The following EIF3D variants were observed in gnomAD, a reference collection of about 807,000 sequenced individuals.
EIF3D encodes eIF3 p66.
A neutral mutation model predicts 75.4 loss-of-function variants in EIF3D; 10 were observed. The ratio of observed to expected loss-of-function variants is 0.13; its 90% CI spans 0.08 to 0.22. The LOEUF is 0.22. EIF3D is among the 10% of genes least tolerant of loss of function. The pLI is 1.00. For synonymous variants in EIF3D, 246 were observed against 248.3 expected (o/e 0.99, Z 0.09); for missense variants, 394 against 708.0 (o/e 0.56, Z 5.03).
chr22:36,526,613 C>CTTTCTT (rs1555889295), intron 1 of EIF3D, among the ~76,000 whole-genome samples: 1 of 145,734 alleles, frequency 6.9e-6, no homozygotes, highest in Non-Finnish European at 1.5e-5. Flanking sequence ...TTCTTTCTTT[C>CTTTCTT]TTTTTTTTTT....
intron 7 of EIF3D, among the ~76,000 whole-genome samples, chr22:36,519,962 G>A (rs1284207413): frequency 6.6e-6 from 1 of 152,164 alleles, no homozygotes; most frequent in Admixed American, 6.5e-5. Flanking sequence ...CCTGACAAGA[G>A]TTTTATAACT....
intron 3 of EIF3D, among the ~76,000 whole-genome samples, chr22:36,525,044 G>T (rs1934573756): frequency 6.6e-6 from 1 of 152,112 alleles, no homozygotes; most frequent in African/African-American, 2.4e-5. Context: ...AGAATCTGAG[G>T]TATTTATTGC....
intron 12 of EIF3D, among the ~76,000 whole-genome samples, chr22:36,513,905 G>A (rs371049512): frequency 1.4e-4 from 21 of 152,222 alleles, no homozygotes; most frequent in African/African-American, 4.8e-4. Context: ...CTGATGAAGC[G>A]TGTATTGGAC....
chr22:36,521,565 C>A (rs765828485), intron 6 of EIF3D, among the ~76,000 whole-genome samples: 7 of 152,134 alleles, frequency 4.6e-5, no homozygotes, highest in Non-Finnish European at 1.5e-5. Context: ...TGTTCATCAG[C>A]ATGTGAATGG....
chr22:36,516,854 C>G, intron 10 of EIF3D, 64 bp from the exon 11 acceptor site: 1 of 1,455,350 alleles, frequency 6.9e-7, no homozygotes, highest in Non-Finnish European at 9.7e-7. Flanking sequence ...GCCAATCAGT[C>G]AGACCCAGCA....
In EIF3D at chr22:36,518,172, A is replaced by G. The variant is rs140705209; in HGVS notation, c.859+591T>C. ...ACTGAACAAGGTATGCAAGATGGCA[A>G]AAGTCGAAAAAGGGGTATTTAAATG... On this transcript the variant is annotated intron_variant, in intron 9 of 14. Transcript: ENST00000216190. 3.0e-4 allele frequency among the ~76,000 whole-genome samples: 45 copies of G among 152,272 alleles called. No homozygotes were observed. In the East Asian group the frequency reaches 8.1e-3, roughly 27 times the overall value.
chr22:36,516,362 T>A, intron 12 of EIF3D, 116 bp downstream of exon 12: 1 of 1,304,584 alleles, frequency 7.7e-7, no homozygotes, highest in African/African-American at 1.5e-5. Flanking sequence ...TCCAGGTAGC[T>A]CTATAAGTAA....
rs1393162205 is a variant in EIF3D, at chr22:36,524,709, C to T, written c.193G>A (p.Gly65Ser). ...TGGAAATAAGCATATTGACTTCCACCACCAAACTGAGAGGAGTACTTATCT... is the reference window on the plus strand; with the variant it reads ...TGGAAATAAGCATATTGACTTCCACTACCAAACTGAGAGGAGTACTTATCT... ...YTNKYSSQFG[G>S]GSQYAYFHEE... Residue 65 changes from glycine to serine, a missense_variant, in exon 4 of 15, where the codon GGT (glycine) becomes AGT (serine). Physicochemically the swap from Gly to Ser is moderately conservative, Grantham distance 56 (BLOSUM62 0). Coordinates refer to ENST00000216190, the MANE Select transcript of EIF3D (RefSeq NM_003753.4). The T allele has an allele frequency of 6.2e-7, 1 of 1,614,108 alleles. No homozygotes were observed. The highest frequency in any genetic ancestry group is 1.3e-5 in the African/African-American group (1 of 74,938).
intron 6 of EIF3D, among the ~76,000 whole-genome samples, chr22:36,522,658 T>G (rs1414157036): frequency 1.3e-5 from 2 of 151,096 alleles, no homozygotes; most frequent in African/African-American, 2.5e-5. Flanking sequence ...GCTGGGCTAC[T>G]GGGGGTGCTG....
intron 7 of EIF3D, 104 bp from the exon 8 acceptor site, chr22:36,519,641 T>C: frequency 6.6e-7 from 1 of 1,505,660 alleles, no homozygotes; most frequent in Non-Finnish European, 9.0e-7. Flanking sequence ...CTAAAAGAGG[T>C]GGAAAGCAAT....
intron 12 of EIF3D, among the ~76,000 whole-genome samples, chr22:36,514,681 G>A (rs1934396651): frequency 6.6e-6 from 1 of 152,132 alleles, no homozygotes; most frequent in Non-Finnish European, 1.5e-5. Flanking sequence ...AGGGGGATGG[G>A]GGCCTCAGTC....
At chr22:36,512,898 A>C in intron 12 of EIF3D, 2 of 287,992 alleles carry the variant, frequency 6.9e-6, no homozygotes, top group Admixed American at 4.9e-5. Flanking sequence ...GTGTCATATA[A>C]ACAGCAGAGC....
chr22:36,525,416 T>C (rs997226775), intron 3 of EIF3D, among the ~76,000 whole-genome samples: 1 of 151,988 alleles, frequency 6.6e-6, no homozygotes, highest in African/African-American at 2.4e-5. Flanking sequence ...GCTAATGTTT[T>C]CAACAGGTTT....
intron 13 of EIF3D, 34 bp downstream of exon 13, chr22:36,512,426 A>C: frequency 6.2e-7 from 1 of 1,612,142 alleles, no homozygotes; most frequent in African/African-American, 1.3e-5. Flanking sequence ...TCCTTTCACA[A>C]GATCAGCTGC....
rs1257255465 is a variant in EIF3D at position 36,518,895 on chromosome 22, CCT to C, written c.725_726del (p.Gln242ArgfsTer7). The C allele has an allele frequency of 6.2e-7, 1 of 1,614,116 alleles. No individual in the cohort carries two copies. The highest frequency in any genetic ancestry group is 1.7e-5 in the Admixed American group (1 of 60,008). Reference sequence around the variant, plus strand: ...ATGGCATCAGTGGCAAACACATTCCCCTGAGTTTTTGCCAGCTGCAAAGAGGA... The same window carrying C: ...ATGGCATCAGTGGCAAACACATTCCCGAGTTTTTGCCAGCTGCAAAGAGGA... Reference protein sequence around the residue: ...DPVIRKLAKTQGNVFATDAIL... With the variant: ...DPVIRKLAKTXGNVFATDAIL... On this transcript the variant is annotated frameshift_variant, in exon 9 of 15. Coordinates refer to ENST00000216190, the MANE Select transcript of EIF3D (RefSeq NM_003753.4). LOFTEE classifies it high-confidence loss of function.
chr22:36,519,647 G>A lies in EIF3D; in HGVS notation c.579-110C>T, dbSNP rs977746587. On this transcript the variant is annotated intron_variant, in intron 7 of 14. Coordinates refer to ENST00000216190, the MANE Select transcript of EIF3D (RefSeq NM_003753.4). Reference sequence around the variant, plus strand: ...TCCAAAAGTCTAAAAGAGGTGGAAAGCAATCTCTGGCCAGAGCAGGAGAGA... The same window carrying A: ...TCCAAAAGTCTAAAAGAGGTGGAAAACAATCTCTGGCCAGAGCAGGAGAGA... The A allele has an allele frequency of 8.3e-6, 12 of 1,454,250 alleles. No individual in the cohort carries two copies. The African/African-American group carries it at 1.1e-4, about 14-fold the overall frequency. 90.1% of individuals were successfully genotyped at this position (1,454,250 alleles called of 1,614,324 possible).
chr22:36,521,215 A>G (rs770948997), intron 6 of EIF3D, among the ~76,000 whole-genome samples: 3 of 151,992 alleles, frequency 2.0e-5, no homozygotes, highest in Non-Finnish European at 2.9e-5. Context: ...AAGAGAGAAA[A>G]GAAAAAGAGC....
intron 12 of EIF3D, among the ~76,000 whole-genome samples, chr22:36,515,515 C>T (rs368071833): frequency 2.9e-4 from 44 of 151,876 alleles, no homozygotes; most frequent in African/African-American, 8.7e-4. Flanking sequence ...GCAACAAGAG[C>T]GAAACTCCGT....
chr22:36,527,390 T>C (rs1325333578), intron 1 of EIF3D, among the ~76,000 whole-genome samples: 9 of 152,236 alleles, frequency 5.9e-5, no homozygotes. Flanking sequence ...GTCTGCACTC[T>C]GCATAATGCT....
Sources: allele counts gnomAD v4.1 joint callset (sites outside exome capture counted in the v4.1 genomes callset), GRCh38; gene constraint gnomAD v4.1.1; transcripts MANE v1.5; gene names NCBI Gene and HGNC (gene_info 2026-07-23, HGNC 2026-07-21).